Variants in MAF observed in about 807,000 individuals in gnomAD.
MAF encodes transcription factor Maf.
Under a neutral mutation model 22.0 loss-of-function variants are expected in MAF, and 10 were observed. That is an observed-to-expected ratio of 0.45 (90% confidence interval 0.28 to 0.77). The LOEUF (loss-of-function observed/expected upper bound fraction) is 0.77. Among genes scored for constraint, MAF ranks in the 30% least tolerant of loss-of-function variants. The pLI is 0.12. For synonymous variants in MAF, 337 were observed against 255.8 expected (o/e 1.32, Z -3.03); for missense variants, 544 against 548.4 (o/e 0.99, Z 0.08).
chr16:79,223,692 C>T, the MAF span, among the ~76,000 whole-genome samples: 6 of 152,268 alleles, frequency 3.9e-5, no homozygotes, highest in South Asian at 1.2e-3. Flanking sequence ...CCACTGATCT[C>T]ACAGAAATAC....
chr16:79,575,553 G>T, the MAF span, among the ~76,000 whole-genome samples: 2 of 152,158 alleles, frequency 1.3e-5, no homozygotes, highest in African/African-American at 4.8e-5. Flanking sequence ...CTCTGCTGAG[G>T]GTTTCAAAGG....
chr16:79,519,344 G>C, the MAF span, among the ~76,000 whole-genome samples: 1 of 152,144 alleles, frequency 6.6e-6, no homozygotes, highest in Non-Finnish European at 1.5e-5. Context: ...CTATGCAATT[G>C]CAACTCCCAG....
the MAF span, among the ~76,000 whole-genome samples, chr16:79,520,815 TGCTCCTGATGAACATTG>T: frequency 5.3e-5 from 8 of 152,184 alleles, no homozygotes; most frequent in African/African-American, 1.9e-4. Context: ...AGGTTGTTAT[TGCTCCTGATGAACATTG>T]GCATTGGCAA....
the MAF span, among the ~76,000 whole-genome samples, chr16:79,245,555 C>G: frequency 3.9e-5 from 6 of 152,092 alleles, no homozygotes; most frequent in East Asian, 1.2e-3. Context: ...AGTCAGGAAA[C>G]AACAGATGCT....
the MAF span, among the ~76,000 whole-genome samples, chr16:79,480,246 CA>C: frequency 6.6e-6 from 1 of 152,076 alleles, no homozygotes; most frequent in Non-Finnish European, 1.5e-5. Context: ...TCAAATTCCC[CA>C]ATTAGTAACA....
At chr16:79,387,584 T>C in the MAF span, among the ~76,000 whole-genome samples, 1 of 152,178 alleles carries the variant, frequency 6.6e-6, no homozygotes, top group East Asian at 1.9e-4. Context: ...AGGCTGTGAG[T>C]GTGTATATGC....
At chr16:79,476,280 G>A in the MAF span, among the ~76,000 whole-genome samples, 5 of 152,156 alleles carry the variant, frequency 3.3e-5, no homozygotes, top group Non-Finnish European at 7.3e-5. Flanking sequence ...TCATGCCCAG[G>A]CCCCTGACTC....
the MAF span, among the ~76,000 whole-genome samples, chr16:79,272,419 C>T: frequency 6.6e-6 from 1 of 152,198 alleles, no homozygotes. Flanking sequence ...CTGCCAGCCC[C>T]CTGGAGGCCC....
At chr16:79,211,628 C>T in the MAF span, 125 of 1,614,222 alleles carry the variant, frequency 7.7e-5, no homozygotes, top group Non-Finnish European at 9.7e-5. Context: ...CTGCCACCAC[C>T]GTGTACTGTG....
chr16:79,587,716 A>AG (rs1306926064), intron 1 of MAF, among the ~76,000 whole-genome samples: 1 of 152,140 alleles, frequency 6.6e-6, no homozygotes, highest in East Asian at 1.9e-4. Flanking sequence ...AGGAAAAAAA[A>AG]CAGGCCTCAT....
the MAF span, among the ~76,000 whole-genome samples, chr16:79,467,573 T>C: frequency 6.6e-6 from 1 of 152,152 alleles, no homozygotes; most frequent in African/African-American, 2.4e-5. Context: ...CTCGTGCCCT[T>C]AACCTCCAAG....
the MAF span, among the ~76,000 whole-genome samples, chr16:79,432,854 C>T: frequency 1.3e-5 from 2 of 152,156 alleles, no homozygotes; most frequent in African/African-American, 4.8e-5. Context: ...GGGAAGGCAT[C>T]CTGGAACAGA....
At chr16:79,291,068 A>T in the MAF span, among the ~76,000 whole-genome samples, 1 of 152,088 alleles carries the variant, frequency 6.6e-6, no homozygotes, top group African/African-American at 2.4e-5. Flanking sequence ...GCTTTTTTCC[A>T]CATCTCCCAT....
the MAF span, among the ~76,000 whole-genome samples, chr16:79,545,746 G>A: frequency 6.6e-6 from 1 of 152,018 alleles, no homozygotes; most frequent in Admixed American, 6.6e-5. Context: ...AGAAGCCAGG[G>A]GATGGGGAGT....
the MAF span, among the ~76,000 whole-genome samples, chr16:79,510,921 T>C: frequency 6.6e-6 from 1 of 152,166 alleles, no homozygotes; most frequent in Non-Finnish European, 1.5e-5. Context: ...AATTTTAAGT[T>C]GCTATATGTG....
chr16:79,443,871 C>G, the MAF span, among the ~76,000 whole-genome samples: 19 of 150,540 alleles, frequency 1.3e-4, no homozygotes, highest in African/African-American at 4.4e-4. Context: ...TAAAAACACA[C>G]GGAATATGTC....
the MAF span, among the ~76,000 whole-genome samples, chr16:79,567,174 C>T: frequency 5.3e-5 from 8 of 152,114 alleles, no homozygotes; most frequent in Non-Finnish European, 2.9e-5. Context: ...AAAAATTAGA[C>T]AGGCATTGTG....
the MAF span, chr16:79,212,906 T>TGAAAG: frequency 6.6e-6 from 1 of 151,482 alleles, no homozygotes; most frequent in Non-Finnish European, 1.5e-5. Context: ...TATTTTCTGT[T>TGAAAG]AAAGAAAGAA....
chr16:79,421,751 T>C, the MAF span, among the ~76,000 whole-genome samples: 2 of 151,818 alleles, frequency 1.3e-5, no homozygotes. Context: ...TCCTCCTGTC[T>C]CAGCCTCTTG....
Sources: gnomAD v4.1 joint callset for allele counts (sites outside exome capture counted in the v4.1 genomes callset) on GRCh38, gnomAD v4.1.1 for gene constraint, MANE v1.5 for transcripts, NCBI Gene and HGNC (gene_info 2026-07-23, HGNC 2026-07-21) for gene names.